Variants in TCF7L1 observed in about 807,000 individuals in gnomAD.
TCF7L1 encodes transcription factor 7 like 1.
Under a neutral mutation model 63.7 loss-of-function variants are expected in TCF7L1, and 18 were observed. The observed-to-expected ratio is 0.28, with a 90% CI of 0.20 to 0.42. The LOEUF is 0.42. Among genes scored for constraint, TCF7L1 ranks in the 10% least tolerant of loss-of-function variants. The pLI is 1.00. For missense variants in TCF7L1, 654 were observed against 779.3 expected, an observed-to-expected ratio of 0.84 and a Z score of 1.91; for synonymous variants, 355 against 340.9, an observed-to-expected ratio of 1.04 and a Z score of -0.46.
intron 3 of TCF7L1, among the ~76,000 whole-genome samples, chr2:85,199,885 G>GA (rs1195412133): frequency 1.3e-5 from 2 of 152,088 alleles, no homozygotes; most frequent in Non-Finnish European, 2.9e-5. Context: ...TCTAATTCCA[G>GA]AAAAAACCCT....
In TCF7L1 at chr2:85,269,561, G is replaced by T. The variant is rs569470221; in HGVS notation, c.442-13934G>T. ...CTGTTGAACTCCTGGGCTCAGGTGA[G>T]CCTCCCAAAGTGCTGGGCTTACAGG... On this transcript the variant is annotated intron_variant, in intron 3 of 11. Transcript: ENST00000282111. 5.3e-5 allele frequency among the ~76,000 whole-genome samples: 8 copies of T among 152,334 alleles called. No homozygotes were observed. In the South Asian group the frequency reaches 1.7e-3, roughly 32 times the overall value.
intron 3 of TCF7L1, among the ~76,000 whole-genome samples, chr2:85,216,197 A>G (rs1329985651): frequency 1.3e-5 from 2 of 152,090 alleles, no homozygotes; most frequent in Non-Finnish European, 2.9e-5. Flanking sequence ...AAAGGCACTA[A>G]CAAAGTATGA....
At chr2:85,244,278 G>A (rs1680409068) in intron 3 of TCF7L1, among the ~76,000 whole-genome samples, 1 of 152,204 alleles carries the variant, frequency 6.6e-6, no homozygotes, top group Admixed American at 6.5e-5. Flanking sequence ...ATGGGGAGTA[G>A]AGAGGGGTCT....
chr2:85,267,914 C>A (rs1681020909), intron 3 of TCF7L1, among the ~76,000 whole-genome samples: 1 of 152,118 alleles, frequency 6.6e-6, no homozygotes, highest in South Asian at 2.1e-4. Flanking sequence ...TACTTATTTG[C>A]TTATCTGAAA....
chr2:85,282,915 C>T (rs1271554342), intron 3 of TCF7L1, among the ~76,000 whole-genome samples: 1 of 150,166 alleles, frequency 6.7e-6, no homozygotes, highest in Non-Finnish European at 1.5e-5. Context: ...TAATCTTTTT[C>T]AGGGTTGAGA....
At chr2:85,236,185 A>C (rs1418402303) in intron 3 of TCF7L1, among the ~76,000 whole-genome samples, 1 of 151,246 alleles carries the variant, frequency 6.6e-6, no homozygotes, top group African/African-American at 2.4e-5. Flanking sequence ...AAAAAAACCC[A>C]ACCTTGAGAC....
At chr2:85,238,580 G>A (rs1680248935) in intron 3 of TCF7L1, among the ~76,000 whole-genome samples, 1 of 152,122 alleles carries the variant, frequency 6.6e-6, no homozygotes, top group African/African-American at 2.4e-5. Context: ...CCTAGGAGCT[G>A]AGGATGGGGC....
At chr2:85,162,665 G>A (rs1187869037) in intron 3 of TCF7L1, among the ~76,000 whole-genome samples, 1 of 152,076 alleles carries the variant, frequency 6.6e-6, no homozygotes, top group Non-Finnish European at 1.5e-5. Flanking sequence ...GTTGCCTTGG[G>A]GGTGTTTGAG....
At position 85,303,997 on chromosome 2, in the gene TCF7L1, A is replaced by G. The variant is rs1314445733; in HGVS notation, c.761A>G (p.Gln254Arg). 4 of 1,501,054 alleles carry G rather than the reference A, an allele frequency of 2.7e-6. No homozygotes were observed. The highest frequency in any genetic ancestry group is 3.5e-6 in the Non-Finnish European group (4 of 1,126,900). 93.0% of individuals were successfully genotyped at this position (1,501,054 alleles called of 1,614,324 possible). A position where few individuals can be genotyped will look rare whatever the true frequency, so the allele number is the denominator to read the frequency against. The stretch of plus-strand genomic sequence containing the variant: ...CACCCCCTCGGCTGGCTCGTCCCAC[A>G]GTAAGGAACCCACAGCCTCTCTTCC... The part of the protein sequence containing the change: ...IPHPLGWLVP[Q>R]QGQPMYSLPP... Residue 254 changes from glutamine (Q) to arginine (R), a missense_variant and splice_region_variant, in exon 6 of 12, where the codon CAG becomes CGG. Transcript: ENST00000282111.
intron 4 of TCF7L1, among the ~76,000 whole-genome samples, chr2:85,291,015 G>A (rs976585651): frequency 6.6e-6 from 1 of 152,180 alleles, no homozygotes; most frequent in South Asian, 2.1e-4. Context: ...CCACATCACT[G>A]TAGCCCATTC....
At chr2:85,257,855 T>C (rs1291512254) in intron 3 of TCF7L1, among the ~76,000 whole-genome samples, 1 of 152,206 alleles carries the variant, frequency 6.6e-6, no homozygotes, top group African/African-American at 2.4e-5. Flanking sequence ...GGTTCCACAT[T>C]ATGAATGTCA....
intron 3 of TCF7L1, among the ~76,000 whole-genome samples, chr2:85,154,862 G>A (rs1255611047): frequency 2.6e-5 from 4 of 152,170 alleles, no homozygotes; most frequent in Admixed American, 1.3e-4. Flanking sequence ...TGTTGCTTAG[G>A]CCAGAGTGCG....
chr2:85,228,115 TA>T (rs970877082), intron 3 of TCF7L1, among the ~76,000 whole-genome samples: 2 of 151,964 alleles, frequency 1.3e-5, no homozygotes, highest in Non-Finnish European at 2.9e-5. Context: ...TCTTAGGGAC[TA>T]AGGTATTATA....
chr2:85,161,734 A>G (rs1165279773), intron 3 of TCF7L1, among the ~76,000 whole-genome samples: 1 of 152,182 alleles, frequency 6.6e-6, no homozygotes. Flanking sequence ...GTTTGTGGTG[A>G]TTAACTTGTG....
At chr2:85,304,623 C>A (rs1682060635) in intron 7 of TCF7L1, among the ~76,000 whole-genome samples, 1 of 152,172 alleles carries the variant, frequency 6.6e-6, no homozygotes, top group East Asian at 1.9e-4. Context: ...GACAGATGCT[C>A]CCCGACTTAG....
At chr2:85,220,369 T>C (rs192219624) in intron 3 of TCF7L1, among the ~76,000 whole-genome samples, 162 of 151,796 alleles carry the variant, frequency 1.1e-3, no homozygotes, top group Non-Finnish European at 2.1e-3. Context: ...AAAATATATA[T>C]ATATGTATAT....
chr2:85,269,743 C>T (rs1403288928), intron 3 of TCF7L1, among the ~76,000 whole-genome samples: 6 of 152,234 alleles, frequency 3.9e-5, no homozygotes, highest in Non-Finnish European at 8.8e-5. Context: ...AGCCCTTCCA[C>T]TGTCCGTCAT....
intron 3 of TCF7L1, among the ~76,000 whole-genome samples, chr2:85,161,591 G>T (rs1678287228): frequency 6.6e-6 from 1 of 152,224 alleles, no homozygotes; most frequent in Non-Finnish European, 1.5e-5. Flanking sequence ...CACCCCTGCG[G>T]TGTTGGTCTT....
chr2:85,207,635 G>A (rs770585590), intron 3 of TCF7L1, among the ~76,000 whole-genome samples: 5 of 151,436 alleles, frequency 3.3e-5, no homozygotes, highest in Admixed American at 6.6e-5. Context: ...ATGGACAGCT[G>A]GAATAGTTCT....
Sources: gnomAD v4.1 joint callset for allele counts (sites outside exome capture counted in the v4.1 genomes callset) on GRCh38, gnomAD v4.1.1 for gene constraint, MANE v1.5 for transcripts, NCBI Gene and HGNC (gene_info 2026-07-23, HGNC 2026-07-21) for gene names.